Variants in ENTREP2 observed in about 807,000 individuals in gnomAD.
ENTREP2 encodes the protein protein ENTREP2.
chr15:29,545,852 T>TA, the ENTREP2 span, among the ~76,000 whole-genome samples: 1 of 152,350 alleles, frequency 6.6e-6, no homozygotes, highest in African/African-American at 2.4e-5. Context: ...ATGTTAATCC[T>TA]AAATAAACAC....
At chr15:29,291,740 T>C in the ENTREP2 span, among the ~76,000 whole-genome samples, 1 of 152,264 alleles carries the variant, frequency 6.6e-6, no homozygotes, top group Non-Finnish European at 1.5e-5. Context: ...ATTGTCATTT[T>C]AATGGTGCTT....
At chr15:29,334,879 G>C in the ENTREP2 span, among the ~76,000 whole-genome samples, 2 of 152,184 alleles carry the variant, frequency 1.3e-5, no homozygotes, top group African/African-American at 4.8e-5. Context: ...ACATGGAGAC[G>C]CCATCTGAAG....
chr15:29,388,157 G>T, the ENTREP2 span, among the ~76,000 whole-genome samples: 1 of 152,134 alleles, frequency 6.6e-6, no homozygotes, highest in South Asian at 2.1e-4. Flanking sequence ...CACAGCAAAA[G>T]AAACTACCAT....
chr15:29,210,730 TG>T, the ENTREP2 span, among the ~76,000 whole-genome samples: 1 of 152,186 alleles, frequency 6.6e-6, no homozygotes, highest in Non-Finnish European at 1.5e-5. Context: ...TGAGCTTCTC[TG>T]TGTGGTCTTG....
chr15:29,602,648 A>G, the ENTREP2 span, among the ~76,000 whole-genome samples: 61 of 152,136 alleles, frequency 4.0e-4, 1 homozygote, highest in Admixed American at 3.6e-3. Context: ...TGCAATTCTC[A>G]TGCCTCAGCC....
chr15:29,284,061 A>G, the ENTREP2 span, among the ~76,000 whole-genome samples: 1 of 152,194 alleles, frequency 6.6e-6, no homozygotes, highest in South Asian at 2.1e-4. Context: ...TCCTATGTAA[A>G]TAATAGGAGT....
At chr15:29,446,215 C>A in the ENTREP2 span, among the ~76,000 whole-genome samples, 1 of 152,118 alleles carries the variant, frequency 6.6e-6, no homozygotes, top group Non-Finnish European at 1.5e-5. Flanking sequence ...GCAATAAATG[C>A]CTGTTGTTTT....
chr15:29,154,883 A>G, the ENTREP2 span, among the ~76,000 whole-genome samples: 1 of 152,242 alleles, frequency 6.6e-6, no homozygotes, highest in Non-Finnish European at 1.5e-5. Context: ...TGATTAGGAT[A>G]ATATCATGGA....
At chr15:29,519,532 T>C in the ENTREP2 span, among the ~76,000 whole-genome samples, 1 of 152,234 alleles carries the variant, frequency 6.6e-6, no homozygotes, top group Non-Finnish European at 1.5e-5. Context: ...CTCTTCCTTA[T>C]GATTTTCCTA....
At chr15:29,408,470 G>A in the ENTREP2 span, among the ~76,000 whole-genome samples, 13 of 152,176 alleles carry the variant, frequency 8.5e-5, no homozygotes, top group Admixed American at 3.9e-4. Context: ...GGGATATACA[G>A]GACTCTACAA....
At chr15:29,384,786 CTCT>C in the ENTREP2 span, among the ~76,000 whole-genome samples, 1 of 152,156 alleles carries the variant, frequency 6.6e-6, no homozygotes, top group Non-Finnish European at 1.5e-5. Context: ...CAGCCCCCGA[CTCT>C]TCTTATCCCT....
At chr15:29,497,489 C>T in the ENTREP2 span, among the ~76,000 whole-genome samples, 1 of 152,022 alleles carries the variant, frequency 6.6e-6, no homozygotes, top group African/African-American at 2.4e-5. Flanking sequence ...CGATTAAATC[C>T]AAGACTTCTT....
chr15:29,423,180 T>C, the ENTREP2 span, among the ~76,000 whole-genome samples: 95 of 152,270 alleles, frequency 6.2e-4, no homozygotes, highest in African/African-American at 2.2e-3. Flanking sequence ...GCCCCAAATG[T>C]GACCTTGGAA....
the ENTREP2 span, chr15:29,376,616 A>G: frequency 3.1e-3 from 464 of 152,096 alleles, 4 homozygotes; most frequent in African/African-American, 0.011. Context: ...CCGACATTGC[A>G]TTCGCCAGCC....
the ENTREP2 span, chr15:29,117,798 A>G: frequency 1.3e-5 from 2 of 152,452 alleles, no homozygotes; most frequent in Non-Finnish European, 2.9e-5. Flanking sequence ...GGGTTTTCCA[A>G]TGTGACTAAT....
chr15:29,515,210 A>C, the ENTREP2 span, among the ~76,000 whole-genome samples: 1 of 152,244 alleles, frequency 6.6e-6, no homozygotes, highest in African/African-American at 2.4e-5. Flanking sequence ...AGTGCAGAGC[A>C]GCCAGAGTGG....
the ENTREP2 span, among the ~76,000 whole-genome samples, chr15:29,647,769 G>A: frequency 6.6e-6 from 1 of 151,980 alleles, no homozygotes; most frequent in Non-Finnish European, 1.5e-5. Flanking sequence ...ACCCTCCAGA[G>A]GACTCAATCC....
the ENTREP2 span, among the ~76,000 whole-genome samples, chr15:29,378,738 T>A: frequency 2.0e-5 from 3 of 152,100 alleles, no homozygotes; most frequent in Non-Finnish European, 4.4e-5. Flanking sequence ...AATCTGTCTA[T>A]ATACATATAC....
At chr15:29,399,002 T>C in the ENTREP2 span, among the ~76,000 whole-genome samples, 4 of 152,340 alleles carry the variant, frequency 2.6e-5, no homozygotes, top group South Asian at 8.3e-4. Context: ...TTCTGGGCCC[T>C]TGGTGAAGTC....
Sources: allele counts gnomAD v4.1 joint callset (sites outside exome capture counted in the v4.1 genomes callset), GRCh38; gene constraint gnomAD v4.1.1; transcripts MANE v1.5; gene names NCBI Gene and HGNC (gene_info 2026-07-23, HGNC 2026-07-21).